The following LRRK1 variants were observed in gnomAD, a reference collection of about 807,000 sequenced individuals.
LRRK1 encodes leucine rich repeat kinase 1, also known as leucine-rich repeat serine/threonine-protein kinase 1.
In LRRK1, 113 loss-of-function variants were observed where a neutral mutation model predicts 209.1. The ratio of observed to expected loss-of-function variants is 0.54; its 90% CI spans 0.46 to 0.63. The LOEUF (loss-of-function observed/expected upper bound fraction) is 0.63. LRRK1 is among the 30% of genes least tolerant of loss of function. The pLI, the probability that LRRK1 is intolerant of heterozygous loss-of-function variation, is 0.00. For missense variants in LRRK1, 2,284 were observed against 2,632.2 expected (o/e 0.87, Z 2.89); for synonymous variants, 1,144 against 1,099.7 (o/e 1.04, Z -0.80).
At chr15:101,067,386 C>T (rs1371859107) in intron 33 of LRRK1, 5 of 439,310 alleles carry the variant, frequency 1.1e-5, no homozygotes, top group Admixed American at 2.4e-5. Context: ...GAGCCCCACA[C>T]GGTAAATCTC....
At chr15:100,946,571 G>T (rs893886388) in intron 2 of LRRK1, among the ~76,000 whole-genome samples, 2 of 152,160 alleles carry the variant, frequency 1.3e-5, no homozygotes, top group African/African-American at 4.8e-5. Context: ...TTTTCAGATG[G>T]ATCAAATCTA....
At chr15:101,029,896 C>T (rs996632830) in intron 20 of LRRK1, among the ~76,000 whole-genome samples, 11 of 152,012 alleles carry the variant, frequency 7.2e-5, no homozygotes, top group African/African-American at 1.5e-4. Context: ...AAAGAATGAG[C>T]GACTAGGATG....
rs118179855 is a variant in LRRK1, at chr15:101,001,492, G to T, written c.763-7345G>T. Among the ~76,000 whole-genome samples, 1,052 of 152,230 alleles carry T rather than the reference G, an allele frequency of 6.9e-3. 7 individuals are homozygous for T. The highest frequency in any genetic ancestry group is 0.012 in the Admixed American group (180 of 15,286). Reference sequence around the variant, plus strand: ...ATTTTAGATTAGGTTCATTGATTTTGCAGCTTCTTTGGCTGTTCAGTTGTT... The same window carrying T: ...ATTTTAGATTAGGTTCATTGATTTTTCAGCTTCTTTGGCTGTTCAGTTGTT... On this transcript the variant is annotated intron_variant, in intron 6 of 33. Coordinates refer to ENST00000388948, the MANE Select transcript of LRRK1 (RefSeq NM_024652.6).
chr15:100,988,847 C>G, intron 5 of LRRK1, 34 bp downstream of exon 5: 2 of 1,523,500 alleles, frequency 1.3e-6, no homozygotes, highest in East Asian at 4.6e-5. Flanking sequence ...TCAACCCTGA[C>G]CGTGCAAACC....
chr15:100,984,046 T>A (rs1450812208), intron 4 of LRRK1, among the ~76,000 whole-genome samples: 1 of 152,212 alleles, frequency 6.6e-6, no homozygotes, highest in Non-Finnish European at 1.5e-5. Context: ...TTTGGAGGTA[T>A]GTTAACAGAA....
rs80109975 is a variant in LRRK1, at chr15:100,960,791, A to G, written c.98-13013A>G. The stretch of plus-strand genomic sequence containing the variant: ...AAATAAATGAATTTTTGGAAGAGGA[A>G]CAAAATCTAGGAAAGAATTCATCTT... On this transcript the variant is annotated intron_variant, in intron 2 of 33. Transcript: ENST00000388948. Among the ~76,000 whole-genome samples, 1,130 of 152,342 alleles carry G rather than the reference A, an allele frequency of 7.4e-3. 17 individuals are homozygous for G. Among genetic ancestry groups the G allele is most frequent in the African/African-American group, 0.025 (1,039 of 41,566 alleles).
chr15:101,050,379 G>T (rs2035344768), intron 23 of LRRK1, among the ~76,000 whole-genome samples: 1 of 152,174 alleles, frequency 6.6e-6, no homozygotes, highest in African/African-American at 2.4e-5. Flanking sequence ...TTTTGCTCCT[G>T]GGGTGGAGAC....
chr15:101,069,536 A>C lies in LRRK1; in HGVS notation c.*688A>C, dbSNP rs1390749491. On this transcript the variant is annotated 3_prime_UTR_variant, in exon 34 of 34. Transcript: ENST00000388948. Reference sequence around the variant, plus strand: ...GCACACAGTCCGAGTGCACCCGCTTAGCCTTTACATTCCTCTCCACCGACA... The same window carrying C: ...GCACACAGTCCGAGTGCACCCGCTTCGCCTTTACATTCCTCTCCACCGACA... 1 of 152,662 alleles carries C rather than the reference A, an allele frequency of 6.6e-6. No homozygotes were observed. Among genetic ancestry groups the C allele is most frequent in the African/African-American group, 2.4e-5 (1 of 41,462 alleles). 9.5% of individuals were successfully genotyped at this position (152,662 alleles called of 1,614,324 possible).
intron 23 of LRRK1, among the ~76,000 whole-genome samples, chr15:101,049,995 C>A (rs893346073): frequency 6.6e-5 from 10 of 151,972 alleles, no homozygotes; most frequent in Non-Finnish European, 1.5e-5. Context: ...TGGGCTCGGA[C>A]ACCACTGGGA....
At chr15:100,972,252 C>T (rs1480210774) in intron 2 of LRRK1, among the ~76,000 whole-genome samples, 1 of 151,652 alleles carries the variant, frequency 6.6e-6, no homozygotes, top group African/African-American at 2.4e-5. Context: ...CATAAGCCAC[C>T]ACACCCAGCC....
chr15:101,065,064 C>T (rs1008599152), intron 31 of LRRK1: 1 of 465,266 alleles, frequency 2.1e-6, no homozygotes, highest in African/African-American at 2.0e-5. Context: ...CAGAGGCAGC[C>T]CATGTGGTCC....
Position 101,024,993 on chromosome 15 carries a change from C to T in LRRK1, c.2232+26C>T, listed in dbSNP as rs1210335647. 3 of 1,604,356 alleles carry T rather than the reference C, an allele frequency of 1.9e-6. No individual in the cohort carries two copies. The highest frequency in any genetic ancestry group is 2.6e-6 in the Non-Finnish European group (3 of 1,174,904). On this transcript the variant is annotated intron_variant, in intron 16 of 33. Coordinates refer to ENST00000388948, the MANE Select transcript of LRRK1 (RefSeq NM_024652.6). This position sits in a 1 kb window ranked among gnomAD's most constrained non-coding sequence, Gnocchi z 4.6. ...GTGAGGACACCAGACGCCAGCCCTG[C>T]CATTTCAGTGCCCAGAGCTTTGCAG... is the stretch of plus-strand genomic sequence containing the variant.
Position 101,024,883 on chromosome 15 carries a change from C to G in LRRK1, c.2148C>G (p.Asp716Glu). Residue 716 changes from aspartate (D) to glutamate (E), a missense_variant, in exon 16 of 34, where the codon GAC becomes GAG. This residue lies in a region of LRRK1 where 780 missense variants were observed against 985.2 expected (regional missense o/e 0.79). Coordinates refer to ENST00000388948, the MANE Select transcript of LRRK1 (RefSeq NM_024652.6). This position sits in a 1 kb window ranked among gnomAD's most constrained non-coding sequence, Gnocchi z 4.6. ...MATVNQCFFT[D>E]KALYVVVWNL... ...CTGTCAACCAGTGCTTCTTCACGGA[C>G]AAGGCCCTGTACGTGGTGGTCTGGA... 1 of 1,614,198 alleles carries G rather than the reference C, an allele frequency of 6.2e-7. No homozygotes were observed. The highest frequency in any genetic ancestry group is 8.5e-7 in the Non-Finnish European group (1 of 1,180,028).
chr15:101,026,179 G>T (rs748073598), intron 17 of LRRK1, 42 bp downstream of exon 17: 1 of 1,582,726 alleles, frequency 6.3e-7, no homozygotes. Flanking sequence ...TCTTGTGGGT[G>T]CCAGTCGCTG....
chr15:101,027,451 C>G lies in LRRK1; in HGVS notation c.2526+70C>G, dbSNP rs1188397701. On this transcript the variant is annotated intron_variant, in intron 18 of 33. Transcript: ENST00000388948. This position sits in a 1 kb window ranked among gnomAD's most constrained non-coding sequence, Gnocchi z 5.1. Reference sequence around the variant, plus strand: ...CATTGTTGGGGGTCCTCACTTCCCCCTCTCTCCTGTGAAGCCCATGTCTGT... The same window carrying G: ...CATTGTTGGGGGTCCTCACTTCCCCGTCTCTCCTGTGAAGCCCATGTCTGT... The G allele has an allele frequency of 5.7e-6, 9 of 1,575,462 alleles. No homozygotes were observed. The highest frequency in any genetic ancestry group is 7.8e-6 in the Non-Finnish European group (9 of 1,160,590).
At chr15:101,050,199 G>A (rs1052409049) in intron 23 of LRRK1, among the ~76,000 whole-genome samples, 1 of 152,200 alleles carries the variant, frequency 6.6e-6, no homozygotes, top group African/African-American at 2.4e-5. Flanking sequence ...GGGATGGAGG[G>A]GAGCCGTGGC....
chr15:101,043,183 G>A lies in LRRK1; in HGVS notation c.2964-2798G>A, dbSNP rs145734015. Reference sequence around the variant, plus strand: ...CTCAGCTCCAGATCTCTACAGGGGTGTCACCTGGAGACTTCTGGGGAGCAG... The same window carrying A: ...CTCAGCTCCAGATCTCTACAGGGGTATCACCTGGAGACTTCTGGGGAGCAG... On this transcript the variant is annotated intron_variant, in intron 20 of 33. Coordinates refer to ENST00000388948, the MANE Select transcript of LRRK1 (RefSeq NM_024652.6). 1.9e-3 allele frequency among the ~76,000 whole-genome samples: 282 copies of A among 152,354 alleles called. 1 individual carries two copies. The highest frequency in any genetic ancestry group is 6.3e-3 in the African/African-American group (263 of 41,578).
At chr15:101,035,260 T>G (rs2034450308) in intron 20 of LRRK1, among the ~76,000 whole-genome samples, 1 of 152,092 alleles carries the variant, frequency 6.6e-6, no homozygotes, top group Non-Finnish European at 1.5e-5. Context: ...GTGGTATGTT[T>G]AAGTGCCATA....
At chr15:100,953,375 G>A (rs1345473141) in intron 2 of LRRK1, among the ~76,000 whole-genome samples, 1 of 152,020 alleles carries the variant, frequency 6.6e-6, no homozygotes, top group Non-Finnish European at 1.5e-5. Flanking sequence ...TGAGATCATA[G>A]AGTATTTGTC....
Sources: gnomAD v4.1 joint callset for allele counts (sites outside exome capture counted in the v4.1 genomes callset) on GRCh38, gnomAD v4.1.1 for gene constraint, gnomAD v4.1.1 regional missense constraint, Gnocchi (gnomAD v3.1) non-coding constraint, MANE v1.5 for transcripts, NCBI Gene and HGNC (gene_info 2026-07-23, HGNC 2026-07-21) for gene names.